Variants in SSMEM1 observed in about 807,000 individuals in gnomAD.
The protein encoded by SSMEM1 is serine-rich single-pass membrane protein 1.
SSMEM1 carries 12 observed loss-of-function variants against 9.9 expected under a neutral mutation model. That is an observed-to-expected ratio of 1.21 (90% CI 0.78 to 1.96). SSMEM1 has a LOEUF of 1.96. SSMEM1 is among the 30% of genes most tolerant of loss of function. The pLI is 0.00. For missense variants in SSMEM1, 259 were observed against 292.2 expected (o/e 0.89, Z 0.83); for synonymous variants, 96 against 98.9 (o/e 0.97, Z 0.17).
chr7:130,216,629 C>A lies in SSMEM1; in HGVS notation c.*159C>A. 1 of 885,140 alleles carries A rather than the reference C, an allele frequency of 1.1e-6. No homozygotes were observed. Among genetic ancestry groups the A allele is most frequent in the Non-Finnish European group, 1.7e-6 (1 of 600,662 alleles). The allele number at this position is 885,140 out of a possible 1,614,324, so 54.8% of individuals were successfully genotyped here. On this transcript the variant is annotated 3_prime_UTR_variant, in exon 3 of 3. Coordinates refer to ENST00000297819, the MANE Select transcript of SSMEM1 (RefSeq NM_145268.4). ...CCAAGAGGTAAAATCTCACACAATTCTTCGTTCAAAAAAAAAAAGGCCATC... is the reference window on the plus strand; with the variant it reads ...CCAAGAGGTAAAATCTCACACAATTATTCGTTCAAAAAAAAAAAGGCCATC...
chr7:130,208,099 A>G lies in SSMEM1; in HGVS notation c.183+6A>G. ...TCTCTAGGGCTTCTGTCTGGGTAGGATATCTTTTTTTCATTTTAAATAATA... is the reference window on the plus strand; with the variant it reads ...TCTCTAGGGCTTCTGTCTGGGTAGGGTATCTTTTTTTCATTTTAAATAATA... On this transcript the variant is annotated splice_donor_region_variant and intron_variant, in intron 1 of 2. Coordinates refer to ENST00000297819, the MANE Select transcript of SSMEM1 (RefSeq NM_145268.4). 5 of 1,591,452 alleles carry G rather than the reference A, an allele frequency of 3.1e-6. No homozygotes were observed. Among genetic ancestry groups the G allele is most frequent in the Non-Finnish European group, 4.3e-6 (5 of 1,172,924 alleles).
At chr7:130,215,667 GA>G (rs1249602637) in intron 2 of SSMEM1, among the ~76,000 whole-genome samples, 1 of 151,984 alleles carries the variant, frequency 6.6e-6, no homozygotes, top group African/African-American at 2.4e-5. Context: ...TTTTCAAAGG[GA>G]AAAAAGAGTT....
At chr7:130,211,740 A>G (rs1189112954) in intron 1 of SSMEM1, among the ~76,000 whole-genome samples, 1 of 152,222 alleles carries the variant, frequency 6.6e-6, no homozygotes, top group Non-Finnish European at 1.5e-5. Flanking sequence ...ACTTAAAGCC[A>G]ACCATAGCTA....
At position 130,216,613 on chromosome 7, in the gene SSMEM1, A is replaced by G. The variant is rs539073460; in HGVS notation, c.*143A>G. On this transcript the variant is annotated 3_prime_UTR_variant, in exon 3 of 3. Coordinates refer to ENST00000297819, the MANE Select transcript of SSMEM1 (RefSeq NM_145268.4). ...AAAACATACTTGGAACCCAAGAGGT[A>G]AAATCTCACACAATTCTTCGTTCAA... 2.4e-5 allele frequency: 25 copies of G among 1,046,898 alleles called. No individual in the cohort carries two copies. In the African/African-American group the frequency reaches 3.9e-4, roughly 16 times the overall value. 64.9% of individuals were successfully genotyped at this position (1,046,898 alleles called of 1,614,324 possible).
intron 2 of SSMEM1, among the ~76,000 whole-genome samples, chr7:130,214,532 G>A (rs1030209686): frequency 9.2e-5 from 14 of 152,028 alleles, no homozygotes; most frequent in Admixed American, 7.2e-4. Context: ...CTCACAAAAC[G>A]CTCTCCTTCA....
chr7:130,206,724 C>G (rs1168185436), upstream of SSMEM1, among the ~76,000 whole-genome samples: 3 of 152,248 alleles, frequency 2.0e-5, no homozygotes, highest in East Asian at 1.9e-4. Flanking sequence ...CGGTGGCTCA[C>G]GCCTGTAATC....
chr7:130,205,569 C>A, upstream of SSMEM1: 1 of 778,072 alleles, frequency 1.3e-6, no homozygotes, highest in East Asian at 2.6e-5. Flanking sequence ...GGTTTTGCGG[C>A]TCCCACTCAG....
At chr7:130,209,922 G>A (rs1451419091) in intron 1 of SSMEM1, among the ~76,000 whole-genome samples, 2 of 152,136 alleles carry the variant, frequency 1.3e-5, no homozygotes, top group African/African-American at 4.8e-5. Flanking sequence ...ATCAGCTCTT[G>A]GGAGTCATAC....
rs1798520470 is a variant in SSMEM1, at chr7:130,208,001, A to C, written c.91A>C (p.Lys31Gln). ...AIPNQDYECWKDDSCGTIGSF... is the reference protein window; with the variant it reads ...AIPNQDYECWQDDSCGTIGSF... ...TCCAAATCAGGATTATGAATGCTGG[A>C]AGGATGACTCTTGTGGAACCATAGG... The change falls in exon 1 of 3, where the codon AAG (lysine) becomes CAG (glutamine). Residue 31 changes from lysine (K) to glutamine (Q), a missense_variant. Coordinates refer to ENST00000297819, the MANE Select transcript of SSMEM1 (RefSeq NM_145268.4). The C allele has an allele frequency of 1.9e-6, 3 of 1,613,920 alleles. No individual in the cohort carries two copies. The highest frequency in any genetic ancestry group is 1.7e-6 in the Non-Finnish European group (2 of 1,179,968).
chr7:130,210,882 A>G (rs1199981997), intron 1 of SSMEM1, among the ~76,000 whole-genome samples: 2 of 152,214 alleles, frequency 1.3e-5, no homozygotes, highest in African/African-American at 4.8e-5. Flanking sequence ...TATAAGCCTA[A>G]TAAGTGTTTT....
chr7:130,216,357 G>A lies in SSMEM1; in HGVS notation c.622G>A (p.Glu208Lys), dbSNP rs373382166. 16 of 1,614,194 alleles carry A rather than the reference G, an allele frequency of 9.9e-6. No homozygotes were observed. In the South Asian group the frequency reaches 1.1e-4, roughly 11 times the overall value. Residue 208 changes from glutamate to lysine, a missense_variant, in exon 3 of 3, where the codon GAA becomes AAA. Glu to Lys is a moderately conservative substitution (Grantham distance 56). Coordinates refer to ENST00000297819, the MANE Select transcript of SSMEM1 (RefSeq NM_145268.4). Reference protein sequence around the residue: ...CLHCKALRTNEWLAHHSRQKP... With the variant: ...CLHCKALRTNKWLAHHSRQKP... ...CCACTGCAAAGCCTTGAGAACCAACGAATGGTTGGCGCACCATTCCCGACA... is the reference window on the plus strand; with the variant it reads ...CCACTGCAAAGCCTTGAGAACCAACAAATGGTTGGCGCACCATTCCCGACA...
upstream of SSMEM1, among the ~76,000 whole-genome samples, chr7:130,205,948 G>A (rs1199699087): frequency 6.6e-6 from 1 of 152,098 alleles, no homozygotes; most frequent in Non-Finnish European, 1.5e-5. Flanking sequence ...ACGCCTGCTG[G>A]CCTCCCACCG....
At chr7:130,212,172 C>G (rs2117058746) in intron 1 of SSMEM1, among the ~76,000 whole-genome samples, 1 of 152,246 alleles carries the variant, frequency 6.6e-6, no homozygotes, top group Admixed American at 6.5e-5. Context: ...AAGTGGGACA[C>G]TAATCTGAAA....
At chr7:130,205,515 T>A, upstream of SSMEM1, 1 of 1,388,792 alleles carries the variant, frequency 7.2e-7, no homozygotes, top group Non-Finnish European at 1.0e-6. Flanking sequence ...AAGGGAGGGG[T>A]CGCAGGCCCA....
At position 130,216,009 on chromosome 7, in the gene SSMEM1, G is replaced by C. The variant is rs1169682645; in HGVS notation, c.274G>C (p.Asp92His). Residue 92 changes from aspartate (D) to histidine (H), a missense_variant, in exon 3 of 3, where the codon GAC becomes CAC. Physicochemically the swap from Asp to His is moderately conservative, Grantham distance 81 (BLOSUM62 -1). Transcript: ENST00000297819. Reference sequence around the variant, plus strand: ...GACTTCCTGTAAGCGGCAAAGCAAAGACAGTGCCTGGGATCCCTCACAAAC... The same window carrying C: ...GACTTCCTGTAAGCGGCAAAGCAAACACAGTGCCTGGGATCCCTCACAAAC... ...KETSCKRQSK[D>H]SAWDPSQTMK... 6.2e-7 allele frequency: 1 copy of C among 1,614,186 alleles called. No homozygotes were observed. Among genetic ancestry groups the C allele is most frequent in the Non-Finnish European group, 8.5e-7 (1 of 1,180,018 alleles).
upstream of SSMEM1, chr7:130,205,485 G>A: frequency 6.4e-7 from 1 of 1,552,864 alleles, no homozygotes; most frequent in Non-Finnish European, 8.8e-7. Context: ...GGAAGAACTA[G>A]GTAGTCTCTT....
At chr7:130,208,256 G>A (rs1798526601) in intron 1 of SSMEM1, among the ~76,000 whole-genome samples, 163 bp downstream of exon 1, 1 of 152,204 alleles carries the variant, frequency 6.6e-6, no homozygotes, top group African/African-American at 2.4e-5. Context: ...GGAAAAGGAT[G>A]AAGAGGAAAA....
At chr7:130,212,540 A>G (rs1435623110) in intron 1 of SSMEM1, among the ~76,000 whole-genome samples, 2 of 152,088 alleles carry the variant, frequency 1.3e-5, no homozygotes, top group African/African-American at 4.8e-5. Flanking sequence ...AGCCTTTTCA[A>G]CATGGAGAAA....
intron 1 of SSMEM1, among the ~76,000 whole-genome samples, chr7:130,210,609 C>T (rs1048037668): frequency 6.6e-6 from 1 of 152,144 alleles, no homozygotes; most frequent in African/African-American, 2.4e-5. Context: ...TATGTGGAAA[C>T]TGAGCTTAAG....
Sources: gnomAD v4.1 joint callset for allele counts (sites outside exome capture counted in the v4.1 genomes callset) on GRCh38, gnomAD v4.1.1 for gene constraint, MANE v1.5 for transcripts, NCBI Gene and HGNC (gene_info 2026-07-23, HGNC 2026-07-21) for gene names.